Variants in COL4A1 observed in about 807,000 individuals in gnomAD.
The protein encoded by COL4A1 is collagen alpha-1(IV) chain.
Under a neutral mutation model 216.6 loss-of-function variants are expected in COL4A1, and 40 were observed. The observed-to-expected ratio is 0.18, with a 90% CI of 0.14 to 0.24. The LOEUF (loss-of-function observed/expected upper bound fraction) is 0.24. COL4A1 is among the 10% of genes least tolerant of loss of function. The pLI is 1.00. For missense variants in COL4A1, 1,628 were observed against 2,196.8 expected (o/e 0.74, Z 5.18); for synonymous variants, 839 against 810.7 (o/e 1.03, Z -0.59).
At chr13:110,285,160 A>G (rs1286090297) in intron 1 of COL4A1, among the ~76,000 whole-genome samples, 1 of 152,258 alleles carries the variant, frequency 6.6e-6, no homozygotes, top group Non-Finnish European at 1.5e-5. Context: ...TTTCAAAATG[A>G]AAGACTAGGG....
chr13:110,208,403 G>T (rs574564479), intron 12 of COL4A1, among the ~76,000 whole-genome samples: 50 of 152,294 alleles, frequency 3.3e-4, no homozygotes, highest in African/African-American at 1.2e-3. Context: ...CCCTGGACAT[G>T]CCCGCCTCTG....
In COL4A1 at chr13:110,179,142, C is replaced by T. The variant is rs932084924; in HGVS notation, c.2345-106G>A. 54 of 1,543,326 alleles carry T rather than the reference C, an allele frequency of 3.5e-5. No individual in the cohort carries two copies. In the South Asian group the frequency reaches 5.3e-4, roughly 15 times the overall value. ...CCCCAGCAACGGAAAGCCACGAGCT[C>T]TAGGCCTCTAAGATTTGCATCGTTC... On this transcript the variant is annotated intron_variant, in intron 30 of 51. Transcript: ENST00000375820.
At chr13:110,248,485 A>G (rs1031576886) in intron 1 of COL4A1, among the ~76,000 whole-genome samples, 1 of 152,176 alleles carries the variant, frequency 6.6e-6, no homozygotes, top group African/African-American at 2.4e-5. Context: ...AAGTTGGACA[A>G]AACCCCATTG....
At chr13:110,271,205 G>A (rs1883232502) in intron 1 of COL4A1, among the ~76,000 whole-genome samples, 1 of 152,216 alleles carries the variant, frequency 6.6e-6, no homozygotes, top group African/African-American at 2.4e-5. Flanking sequence ...ACGGGATGGA[G>A]ACAGCGGCGC....
In COL4A1 at chr13:110,150,396, G is replaced by A. The variant is rs908757320; in HGVS notation, c.4977C>T (p.Val1659=). 1.2e-6 allele frequency: 2 copies of A among 1,614,018 alleles called. No individual in the cohort carries two copies. The highest frequency in any genetic ancestry group is 1.7e-6 in the Non-Finnish European group (2 of 1,180,006). ...TTCTCATACAGACTTGGCAGCGGCTGACGTGCGTGCGCAGCTCCCCTGCCT... is the reference window on the plus strand; with the variant it reads ...TTCTCATACAGACTTGGCAGCGGCTAACGTGCGTGCGCAGCTCCCCTGCCT... The part of the protein sequence containing the change: ...TLKAGELRTH[V]SRCQVCMRRT Residue 1659 remains valine (V), a synonymous_variant, in exon 52 of 52, where the codon GTC becomes GTT. Coordinates refer to ENST00000375820, the MANE Select transcript of COL4A1 (RefSeq NM_001845.6).
intron 39 of COL4A1, 26 bp downstream of exon 39, chr13:110,174,420 G>T (rs1471154588): frequency 1.2e-6 from 2 of 1,611,874 alleles, no homozygotes; most frequent in East Asian, 4.5e-5. Flanking sequence ...ATGTGCCCGG[G>T]CTGTGTCCCA....
In COL4A1 at chr13:110,293,660, C is replaced by T. The variant is rs1369179539; in HGVS notation, c.84+13284G>A. On this transcript the variant is annotated intron_variant, in intron 1 of 51. Coordinates refer to ENST00000375820, the MANE Select transcript of COL4A1 (RefSeq NM_001845.6). The stretch of plus-strand genomic sequence containing the variant: ...CACCAGCTGATCTTCCTCACTCTGA[C>T]ACTTTAAGAAGACAATTGCCAATTA... 4.6e-5 allele frequency among the ~76,000 whole-genome samples: 7 copies of T among 152,288 alleles called. No homozygotes were observed. The South Asian group carries it at 1.4e-3, about 32-fold the overall frequency.
chr13:110,192,795 ACT>A (rs1265871247), intron 23 of COL4A1, 33 bp downstream of exon 23: 1 of 1,591,320 alleles, frequency 6.3e-7, no homozygotes, highest in African/African-American at 1.3e-5. Context: ...ACCAAAGCAA[ACT>A]CTGACCTGGT....
At position 110,295,228 on chromosome 13, in the gene COL4A1, G is replaced by A. The variant is rs554627412; in HGVS notation, c.84+11716C>T. On this transcript the variant is annotated intron_variant, in intron 1 of 51. Coordinates refer to ENST00000375820, the MANE Select transcript of COL4A1 (RefSeq NM_001845.6). ...CCAGCATGTTCAGATTTTTCTCTTA[G>A]GCTCTCACACTACATGGTTTTCTTT... is the stretch of plus-strand genomic sequence containing the variant. Among the ~76,000 whole-genome samples the A allele has an allele frequency of 3.3e-5, 5 of 151,088 alleles. No homozygotes were observed. The South Asian group carries it at 1.1e-3, about 32-fold the overall frequency.
intron 2 of COL4A1, among the ~76,000 whole-genome samples, chr13:110,226,862 G>C (rs1449271154): frequency 1.3e-5 from 2 of 152,116 alleles, no homozygotes; most frequent in Non-Finnish European, 2.9e-5. Flanking sequence ...GAATAGATAA[G>C]AAAAGCATAT....
intron 2 of COL4A1, among the ~76,000 whole-genome samples, chr13:110,224,625 AT>A (rs926341097): frequency 4.6e-5 from 7 of 151,994 alleles, no homozygotes; most frequent in African/African-American, 1.7e-4. Flanking sequence ...TCCTGACCTA[AT>A]TTTTTTTCTT....
At chr13:110,306,866 C>G in intron 1 of COL4A1, 78 bp downstream of exon 1, 1 of 1,333,662 alleles carries the variant, frequency 7.5e-7, no homozygotes, top group Non-Finnish European at 9.8e-7. Flanking sequence ...CGGACGGGTC[C>G]AGGCGCGGAC....
At chr13:110,187,717 C>A (rs1000992296) in intron 24 of COL4A1, among the ~76,000 whole-genome samples, 1 of 152,148 alleles carries the variant, frequency 6.6e-6, no homozygotes, top group Non-Finnish European at 1.5e-5. Flanking sequence ...TGTGCAGCTT[C>A]AGTAACAGAC....
At chr13:110,169,880 G>GT (rs1877526920) in intron 42 of COL4A1, 118 bp from the exon 43 acceptor site, 2 of 1,268,354 alleles carry the variant, frequency 1.6e-6, no homozygotes, top group Non-Finnish European at 2.1e-6. Context: ...TGGACCAACA[G>GT]TGACAACCCT....
At chr13:110,248,244 T>C (rs927730883) in intron 1 of COL4A1, among the ~76,000 whole-genome samples, 11 of 152,148 alleles carry the variant, frequency 7.2e-5, no homozygotes, top group Admixed American at 6.5e-4. Flanking sequence ...CAAGAGACTG[T>C]ATCTTAGGGC....
chr13:110,178,168 G>A lies in COL4A1; in HGVS notation c.2522C>T (p.Pro841Leu), dbSNP rs1181818827. ...PGFPGLDMPG[P>L]KGDKGAQGLP... ...TCCTTGAGCCCCTTTATCTCCTTTA[G>A]GGCCCGGCATGTCCAGTCCAGGGAA... Residue 841 changes from proline to leucine, a missense_variant, in exon 32 of 52, where the codon CCT becomes CTT. Coordinates refer to ENST00000375820, the MANE Select transcript of COL4A1 (RefSeq NM_001845.6). The A allele has an allele frequency of 1.9e-6, 3 of 1,614,176 alleles. No homozygotes were observed. Among genetic ancestry groups the A allele is most frequent in the East Asian group, 2.2e-5 (1 of 44,876 alleles).
intron 17 of COL4A1, among the ~76,000 whole-genome samples, chr13:110,204,636 A>G (rs1188513756): frequency 7.3e-6 from 1 of 137,394 alleles, no homozygotes; most frequent in Non-Finnish European, 1.6e-5. Context: ...CAGATTGACA[A>G]ATATTTTTTA....
intron 1 of COL4A1, among the ~76,000 whole-genome samples, chr13:110,252,507 G>GTATAATTATACGTA (rs1566415824): frequency 0.039 from 174 of 4,512 alleles, 14 homozygotes; most frequent in South Asian, 0.3. Context: ...ACGTATATAT[G>GTATAATTATACGTA]TATTATATAT....
intron 1 of COL4A1, among the ~76,000 whole-genome samples, chr13:110,281,653 C>A (rs1436014941): frequency 1.3e-5 from 2 of 152,188 alleles, no homozygotes; most frequent in African/African-American, 4.8e-5. Flanking sequence ...GACCCTTGAT[C>A]AAAGAGTAAA....
Sources: allele counts gnomAD v4.1 joint callset (sites outside exome capture counted in the v4.1 genomes callset), GRCh38; gene constraint gnomAD v4.1.1; transcripts MANE v1.5; gene names NCBI Gene and HGNC (gene_info 2026-07-23, HGNC 2026-07-21).